The following ROBO1 variants were observed in gnomAD, a reference collection of about 807,000 sequenced individuals.
The protein encoded by ROBO1 is roundabout homolog 1.
Under a neutral mutation model 195.9 loss-of-function variants are expected in ROBO1, and 149 were observed. That is an observed-to-expected ratio of 0.76 (90% CI 0.67 to 0.87). ROBO1 has a LOEUF of 0.87. Among genes scored for constraint, ROBO1 ranks in the 40% least tolerant of loss-of-function variants. ROBO1 has a pLI of 0.00. For missense variants in ROBO1, 1,933 were observed against 2,068.3 expected (o/e 0.93, Z 1.27); for synonymous variants, 816 against 733.2 (o/e 1.11, Z -1.82).
chr3:78,647,707 G>C, intron 19 of ROBO1, 52 bp from the exon 20 acceptor site: 1 of 1,421,930 alleles, frequency 7.0e-7, no homozygotes, highest in Non-Finnish European at 9.9e-7. Context: ...AGAGAGAAAG[G>C]GAACATATCA....
intron 2 of ROBO1, among the ~76,000 whole-genome samples, chr3:79,135,616 T>C (rs774950697): frequency 6.6e-6 from 1 of 151,948 alleles, no homozygotes; most frequent in Non-Finnish European, 1.5e-5. Flanking sequence ...AAATATGACA[T>C]AACATTAGCA....
intron 28 of ROBO1, among the ~76,000 whole-genome samples, chr3:78,611,847 T>A (rs1703834550): frequency 6.6e-6 from 1 of 152,110 alleles, no homozygotes; most frequent in Non-Finnish European, 1.5e-5. Context: ...TGGGGGAAGA[T>A]CAGGTGAAGC....
intron 5 of ROBO1, among the ~76,000 whole-genome samples, chr3:78,729,071 C>G (rs923796615): frequency 6.6e-6 from 1 of 152,196 alleles, no homozygotes; most frequent in Non-Finnish European, 1.5e-5. Context: ...GAACACAGGC[C>G]TGGGAGAGTC....
intron 4 of ROBO1, among the ~76,000 whole-genome samples, chr3:78,755,742 C>T (rs1013086258): frequency 4.8e-4 from 73 of 152,108 alleles, no homozygotes; most frequent in African/African-American, 1.7e-3. Context: ...AATAGGTAGA[C>T]AATATATAAG....
intron 2 of ROBO1, among the ~76,000 whole-genome samples, chr3:79,382,420 AT>A (rs1258190153): frequency 6.6e-6 from 1 of 151,658 alleles, no homozygotes; most frequent in African/African-American, 2.4e-5. Flanking sequence ...TGGAATATAA[AT>A]TTTCACAGAG....
intron 1 of ROBO1, among the ~76,000 whole-genome samples, chr3:79,607,039 A>C (rs1196657981): frequency 6.6e-6 from 1 of 151,014 alleles, no homozygotes; most frequent in East Asian, 2.0e-4. Flanking sequence ...AATTAAGCAT[A>C]ATACAGTTAA....
intron 3 of ROBO1, chr3:79,018,478 C>T: frequency 1.9e-5 from 31 of 1,613,784 alleles, no homozygotes; most frequent in Non-Finnish European, 2.6e-5. Flanking sequence ...CGGGTGGATC[C>T]TGTATACAGT....
chr3:79,042,718 G>T (rs1242283821), intron 3 of ROBO1, among the ~76,000 whole-genome samples: 1 of 151,978 alleles, frequency 6.6e-6, no homozygotes, highest in African/African-American at 2.4e-5. Flanking sequence ...AGGTAAATAT[G>T]CATTAAGATA....
intron 2 of ROBO1, among the ~76,000 whole-genome samples, chr3:79,281,143 T>C (rs1471552463): frequency 6.6e-6 from 1 of 152,254 alleles, no homozygotes; most frequent in Non-Finnish European, 1.5e-5. Flanking sequence ...AAATGTGTCC[T>C]GTTTTAGAGT....
intron 2 of ROBO1, among the ~76,000 whole-genome samples, chr3:79,314,348 G>T (rs1209680304): frequency 6.6e-6 from 1 of 152,148 alleles, no homozygotes; most frequent in Admixed American, 6.6e-5. Flanking sequence ...CCGGTGGGAG[G>T]TCATTGAATC....
At chr3:79,670,922 A>C (rs1435992745) in intron 1 of ROBO1, among the ~76,000 whole-genome samples, 1 of 151,852 alleles carries the variant, frequency 6.6e-6, no homozygotes, top group African/African-American at 2.4e-5. Context: ...AGGAAGAACT[A>C]ATGTAATTGC....
At chr3:78,739,447 A>G (rs934442206) in intron 5 of ROBO1, among the ~76,000 whole-genome samples, 1 of 152,164 alleles carries the variant, frequency 6.6e-6, no homozygotes, top group African/African-American at 2.4e-5. Context: ...CTAACTCACA[A>G]TTTGGACTGA....
At chr3:79,309,203 C>G (rs2033366666) in intron 2 of ROBO1, among the ~76,000 whole-genome samples, 1 of 152,112 alleles carries the variant, frequency 6.6e-6, no homozygotes, top group Non-Finnish European at 1.5e-5. Flanking sequence ...AAGGGAACAT[C>G]TCAGAACTAC....
rs1372189807 is a variant in ROBO1 at position 78,617,733 on chromosome 3, C to G, written c.4184G>C (p.Gly1395Ala). The G allele has an allele frequency of 6.2e-7, 1 of 1,613,956 alleles. No individual in the cohort carries two copies. Among genetic ancestry groups the G allele is most frequent in the African/African-American group, 1.3e-5 (1 of 75,050 alleles). ...AAAGTCAGCATCAGTGAAAAAGGAGCCGTCCGAAGAACTAACACTGGAGCG... is the reference window on the plus strand; with the variant it reads ...AAAGTCAGCATCAGTGAAAAAGGAGGCGTCCGAAGAACTAACACTGGAGCG... Reference protein sequence around the residue: ...SGRSSVSSSDGSFFTDADFAQ... With the variant: ...SGRSSVSSSDASFFTDADFAQ... The change falls in exon 27 of 31, where the codon GGC becomes GCC. Residue 1395 changes from glycine (G) to alanine (A), a missense_variant. Gly to Ala is a moderately conservative substitution (Grantham distance 60). Transcript: ENST00000464233.
intron 2 of ROBO1, among the ~76,000 whole-genome samples, chr3:79,265,096 A>C (rs1239658683): frequency 6.6e-6 from 1 of 151,980 alleles, no homozygotes; most frequent in Non-Finnish European, 1.5e-5. Flanking sequence ...ATACCATCCA[A>C]AATCACATTA....
At chr3:79,099,314 C>T (rs2079631129) in intron 3 of ROBO1, among the ~76,000 whole-genome samples, 1 of 151,634 alleles carries the variant, frequency 6.6e-6, no homozygotes, top group East Asian at 1.9e-4. Flanking sequence ...ACTTAACTAT[C>T]CCAGAGGTGC....
intron 1 of ROBO1, among the ~76,000 whole-genome samples, chr3:79,748,678 G>T (rs943641142): frequency 2.0e-5 from 3 of 152,008 alleles, no homozygotes; most frequent in African/African-American, 7.2e-5. Flanking sequence ...ATGGGGATGG[G>T]TCTTTTTTGT....
chr3:78,878,600 A>C (rs925844136), intron 4 of ROBO1, among the ~76,000 whole-genome samples: 104 of 151,264 alleles, frequency 6.9e-4, no homozygotes, highest in African/African-American at 2.1e-3. Context: ...AAAAAAAAAA[A>C]AAAAAAAACT....
At chr3:79,001,672 C>G (rs531091726) in intron 3 of ROBO1, among the ~76,000 whole-genome samples, 1 of 152,116 alleles carries the variant, frequency 6.6e-6, no homozygotes, top group Non-Finnish European at 1.5e-5. Context: ...ATTATTTTAA[C>G]AATAATTTGA....
Sources: gnomAD v4.1 joint callset for allele counts (sites outside exome capture counted in the v4.1 genomes callset) on GRCh38, gnomAD v4.1.1 for gene constraint, MANE v1.5 for transcripts, NCBI Gene and HGNC (gene_info 2026-07-23, HGNC 2026-07-21) for gene names.